The following GSE1 variants were observed in gnomAD, a reference collection of about 807,000 sequenced individuals.
The protein encoded by GSE1 is genetic suppressor element 1.
GSE1 carries 32 observed loss-of-function variants against 112.6 expected under a neutral mutation model. That is an observed-to-expected ratio of 0.28 (90% confidence interval 0.21 to 0.38). GSE1 has a LOEUF of 0.38. Ranked by LOEUF, GSE1 falls within the 10% of genes least tolerant of loss-of-function variation. The pLI is 1.00. For synonymous variants in GSE1, 1,115 were observed against 735.6 expected, an observed-to-expected ratio of 1.52 and a Z score of -8.35; for missense variants, 2,348 against 1,699.2, an observed-to-expected ratio of 1.38 and a Z score of -6.71.
chr16:85,666,434 AG>A lies in GSE1; in HGVS notation c.3130+88del, dbSNP rs888842226. 101 of 1,294,150 alleles carry A rather than the reference AG, an allele frequency of 7.8e-5. No individual in the cohort carries two copies. The African/African-American group carries it at 1.3e-3, about 17-fold the overall frequency. The allele number at this position is 1,294,150 out of a possible 1,614,324, so 80.2% of individuals were successfully genotyped here. A position where few individuals can be genotyped will look rare whatever the true frequency, so the allele number is the denominator to read the frequency against. On this transcript the variant is annotated intron_variant, in intron 13 of 15. Transcript: ENST00000253458. ...GAGCGCCACAGCTGCTCAGCCGTTC[AG>A]CCGTGGGCACAAGTTTTTATAAACT... is the stretch of plus-strand genomic sequence containing the variant.
intron 1 of GSE1, among the ~76,000 whole-genome samples, chr16:85,627,937 G>C (rs28369244): frequency 0.1 from 15,225 of 152,294 alleles, 2,424 homozygotes; most frequent in African/African-American, 0.34. Context: ...ACCTGCACGG[G>C]AGGAGGCCCG....
intron 2 of GSE1, among the ~76,000 whole-genome samples, chr16:85,647,968 G>A (rs574602920): frequency 6.6e-6 from 1 of 152,014 alleles, no homozygotes; most frequent in East Asian, 2.0e-4. Context: ...CGGAGGGGGC[G>A]CCTTTTCCTG....
intron 1 of GSE1, among the ~76,000 whole-genome samples, chr16:85,350,511 C>A (rs1328274355): frequency 6.6e-6 from 1 of 152,138 alleles, no homozygotes; most frequent in Non-Finnish European, 1.5e-5. Context: ...CCGAAACTGC[C>A]CAGCAGCCAG....
intron 2 of GSE1, among the ~76,000 whole-genome samples, chr16:85,514,726 G>A (rs11643591): frequency 0.55 from 84,273 of 151,940 alleles, 23,836 homozygotes; most frequent in East Asian, 0.79. Flanking sequence ...ACACGTCCAG[G>A]CCCCGAGTGC....
At chr16:85,420,671 G>C (rs747417725) in intron 2 of GSE1, among the ~76,000 whole-genome samples, 9 of 152,200 alleles carry the variant, frequency 5.9e-5, no homozygotes, top group Non-Finnish European at 1.2e-4. Flanking sequence ...CTGGTGCTCA[G>C]ATTCCACTAT....
chr16:85,666,687 T>A (rs2052889315), intron 13 of GSE1: 1 of 285,516 alleles, frequency 3.5e-6, no homozygotes, highest in Admixed American at 5.0e-5. Flanking sequence ...GGAAGAGCAC[T>A]TGAGTGGATT....
chr16:85,393,762 C>T (rs973887681), intron 2 of GSE1, among the ~76,000 whole-genome samples: 31 of 152,316 alleles, frequency 2.0e-4, no homozygotes, highest in African/African-American at 7.2e-4. Flanking sequence ...GAATGAGGTG[C>T]CCTGCCCAGA....
chr16:85,283,732 C>T (rs1357828849), intron 1 of GSE1, among the ~76,000 whole-genome samples: 1 of 152,218 alleles, frequency 6.6e-6, no homozygotes, highest in Non-Finnish European at 1.5e-5. Flanking sequence ...TGGGCCTGTT[C>T]TCAGTGCTTC....
intron 1 of GSE1, among the ~76,000 whole-genome samples, chr16:85,347,950 A>G (rs1047234964): frequency 3.3e-5 from 5 of 152,180 alleles, no homozygotes. Context: ...TCTTCCAATG[A>G]CAAGCTTTTC....
chr16:85,615,202 C>T (rs577698601), intron 1 of GSE1, among the ~76,000 whole-genome samples: 166 of 152,316 alleles, frequency 1.1e-3, no homozygotes, highest in African/African-American at 3.7e-3. Context: ...CTGACTCAGC[C>T]GCCACGCCAC....
chr16:85,454,203 T>A (rs2049761758), intron 2 of GSE1, among the ~76,000 whole-genome samples: 1 of 152,206 alleles, frequency 6.6e-6, no homozygotes, highest in African/African-American at 2.4e-5. Flanking sequence ...GTGGAGCCTT[T>A]CCATACACTG....
intron 2 of GSE1, among the ~76,000 whole-genome samples, chr16:85,495,034 C>G (rs903182565): frequency 1.3e-5 from 2 of 152,202 alleles, no homozygotes; most frequent in Admixed American, 6.5e-5. Context: ...CCAGGAGTTT[C>G]TAGGTCAGGC....
intron 2 of GSE1, among the ~76,000 whole-genome samples, chr16:85,382,888 A>C (rs1417331441): frequency 6.7e-6 from 1 of 150,258 alleles, no homozygotes; most frequent in Non-Finnish European, 1.5e-5. Context: ...CACACCGTGC[A>C]CACACACGCA....
chr16:85,454,421 C>A (rs1597803893), intron 2 of GSE1, among the ~76,000 whole-genome samples: 1 of 152,370 alleles, frequency 6.6e-6, no homozygotes, highest in East Asian at 1.9e-4. Flanking sequence ...GCCAGCCAGG[C>A]TTGCCAGTGG....
chr16:85,264,898 C>T (rs1908078852), intron 1 of GSE1, among the ~76,000 whole-genome samples: 1 of 152,210 alleles, frequency 6.6e-6, no homozygotes, highest in South Asian at 2.1e-4. Flanking sequence ...GGTTCCCCTA[C>T]TTCCAAGCTG....
chr16:85,484,193 G>T (rs1003257165), intron 2 of GSE1, among the ~76,000 whole-genome samples: 7 of 152,200 alleles, frequency 4.6e-5, no homozygotes, highest in Admixed American at 3.3e-4. Flanking sequence ...CAACTGGGAC[G>T]GTGAGCAAGA....
intron 2 of GSE1, among the ~76,000 whole-genome samples, chr16:85,460,251 G>A (rs966576325): frequency 6.6e-6 from 1 of 152,162 alleles, no homozygotes; most frequent in African/African-American, 2.4e-5. Context: ...CTTCTCAGCC[G>A]TAGCTGCATC....
In GSE1 at chr16:85,535,540, G is replaced by A. The variant is rs149659766; in HGVS notation, c.2465-98374G>A. ...AAGGTTGGCCTCCTTATCTGGGCCC[G>A]GGAGAGAGGGATTAAAAAGCAAAGC... On this transcript the variant is annotated intron_variant, in intron 2 of 2. Coordinates refer to the GSE1 transcript ENST00000637419. Among the ~76,000 whole-genome samples the A allele has an allele frequency of 1.1e-3, 160 of 152,336 alleles. 1 individual carries two copies. Among genetic ancestry groups the A allele is most frequent in the East Asian group, 0.01 (54 of 5,190 alleles).
intron 2 of GSE1, among the ~76,000 whole-genome samples, chr16:85,546,427 G>T (rs1374484036): frequency 6.6e-6 from 1 of 152,154 alleles, no homozygotes; most frequent in Non-Finnish European, 1.5e-5. Flanking sequence ...TAACAAAGAG[G>T]CTCAACCTCT....
Sources: allele counts gnomAD v4.1 joint callset (sites outside exome capture counted in the v4.1 genomes callset), GRCh38; gene constraint gnomAD v4.1.1; transcripts MANE v1.5; gene names NCBI Gene and HGNC (gene_info 2026-07-23, HGNC 2026-07-21).